SNX7: variants seen among roughly 807,000 people sequenced by gnomAD.
SNX7 encodes the protein sorting nexin 7.
SNX7 carries 35 observed loss-of-function variants against 48.4 expected under a neutral mutation model. The ratio of observed to expected loss-of-function variants is 0.72; its 90% confidence interval spans 0.55 to 0.96. The LOEUF (loss-of-function observed/expected upper bound fraction) is 0.96. Among genes scored for constraint, SNX7 ranks in the 40% least tolerant of loss-of-function variants. The pLI, the probability that SNX7 is intolerant of heterozygous loss-of-function variation, is 0.00. For synonymous variants in SNX7, 190 were observed against 190.2 expected (o/e 1.00, Z 0.01); for missense variants, 553 against 548.9 (o/e 1.01, Z -0.07).
At chr1:98,745,994 A>G (rs1654292283) in intron 8 of SNX7, among the ~76,000 whole-genome samples, 1 of 152,060 alleles carries the variant, frequency 6.6e-6, no homozygotes, top group Admixed American at 6.6e-5. Flanking sequence ...TTGAGCAATC[A>G]GTTCTTTTTT....
intron 8 of SNX7, among the ~76,000 whole-genome samples, chr1:98,741,513 G>A (rs1203865382): frequency 6.6e-6 from 1 of 152,026 alleles, no homozygotes; most frequent in African/African-American, 2.4e-5. Flanking sequence ...ACTTTTACTA[G>A]GTAAAATGAT....
chr1:98,683,160 G>C (rs1205707853), intron 1 of SNX7, among the ~76,000 whole-genome samples: 2 of 152,050 alleles, frequency 1.3e-5, no homozygotes, highest in East Asian at 3.9e-4. Flanking sequence ...TGTTCTATCT[G>C]CTTCCTCTAA....
chr1:98,691,216 A>G, intron 3 of SNX7, 31 bp downstream of exon 3: 1 of 1,407,490 alleles, frequency 7.1e-7, no homozygotes, highest in Middle Eastern at 1.8e-4. Flanking sequence ...TTTTCATAGA[A>G]TAGCTACCAG....
chr1:98,689,014 C>G (rs1401655870), intron 2 of SNX7, among the ~76,000 whole-genome samples: 1 of 152,086 alleles, frequency 6.6e-6, no homozygotes, highest in South Asian at 2.1e-4. Context: ...AAGTGATTCT[C>G]CTGCCTCAGC....
chr1:98,672,032 T>C (rs1649896338), intron 1 of SNX7, among the ~76,000 whole-genome samples: 1 of 152,052 alleles, frequency 6.6e-6, no homozygotes, highest in African/African-American at 2.4e-5. Context: ...TTAGAAAAAA[T>C]GAATCCCTAA....
At chr1:98,688,462 C>A (rs1159405275) in intron 2 of SNX7, among the ~76,000 whole-genome samples, 1 of 152,166 alleles carries the variant, frequency 6.6e-6, no homozygotes, top group Non-Finnish European at 1.5e-5. Context: ...AAGGTACTTT[C>A]CTTCCACTTC....
chr1:98,715,366 A>G (rs1002240764), intron 7 of SNX7, among the ~76,000 whole-genome samples: 8 of 152,114 alleles, frequency 5.3e-5, no homozygotes, highest in Non-Finnish European at 8.8e-5. Flanking sequence ...TTTAGGTAGT[A>G]TATGATGTTT....
At chr1:98,723,043 C>T (rs56242843) in intron 7 of SNX7, among the ~76,000 whole-genome samples, 40,144 of 152,016 alleles carry the variant, frequency 0.26, 5,632 homozygotes, top group Middle Eastern at 0.31. Flanking sequence ...GAATAGACCC[C>T]AGGCCCCTCA....
rs1372767399 is a variant in SNX7, at chr1:98,738,424, A to G, written c.1278+35A>G. 69 of 1,592,552 alleles carry G rather than the reference A, an allele frequency of 4.3e-5. 1 individual carries two copies. The Admixed American group carries it at 1.2e-3, about 27-fold the overall frequency. On this transcript the variant is annotated intron_variant, in intron 8 of 8. Coordinates refer to ENST00000306121, the MANE Select transcript of SNX7 (RefSeq NM_015976.5). ...GTTGTTTGATATTGCTTCATTTTAA[A>G]GTTATATGCTCATTTACTTTTGGTC... is the stretch of plus-strand genomic sequence containing the variant.
At chr1:98,708,984 G>A (rs1351233851) in intron 7 of SNX7, among the ~76,000 whole-genome samples, 1 of 152,122 alleles carries the variant, frequency 6.6e-6, no homozygotes, top group South Asian at 2.1e-4. Flanking sequence ...TTAATATAAG[G>A]TCTTAATCCC....
chr1:98,738,684 A>G (rs907560921), intron 8 of SNX7, among the ~76,000 whole-genome samples: 16 of 152,220 alleles, frequency 1.1e-4, no homozygotes, highest in Admixed American at 9.8e-4. Context: ...GGAAAGGAGC[A>G]GAGACTTGAA....
intron 8 of SNX7, among the ~76,000 whole-genome samples, chr1:98,749,320 T>TA (rs1015039506): frequency 3.5e-4 from 54 of 152,134 alleles, no homozygotes; most frequent in Non-Finnish European, 6.0e-4. Flanking sequence ...TACAGAATAA[T>TA]AAAAAAATGG....
At chr1:98,696,648 T>G (rs1419452298) in intron 5 of SNX7, among the ~76,000 whole-genome samples, 5 of 152,066 alleles carry the variant, frequency 3.3e-5, no homozygotes, top group Non-Finnish European at 5.9e-5. Context: ...CATTGACCCC[T>G]GATGAGATTA....
intron 7 of SNX7, among the ~76,000 whole-genome samples, chr1:98,728,376 A>G (rs1384434688): frequency 3.9e-5 from 6 of 152,208 alleles, no homozygotes; most frequent in Admixed American, 2.6e-4. Context: ...TGCAAGAGCT[A>G]CTGAAGGAAG....
intron 5 of SNX7, among the ~76,000 whole-genome samples, chr1:98,697,726 G>A (rs1375425693): frequency 6.6e-6 from 1 of 152,058 alleles, no homozygotes; most frequent in Non-Finnish European, 1.5e-5. Flanking sequence ...GAGCATTTGA[G>A]TTATAAGACA....
In SNX7 at chr1:98,691,713, A is replaced by G. The variant is rs1405324153; in HGVS notation, c.639+14A>G. The G allele has an allele frequency of 1.3e-6, 2 of 1,577,624 alleles. No homozygotes were observed. Among genetic ancestry groups the G allele is most frequent in the Non-Finnish European group, 1.7e-6 (2 of 1,160,546 alleles). On this transcript the variant is annotated intron_variant, in intron 4 of 8. Coordinates refer to ENST00000306121, the MANE Select transcript of SNX7 (RefSeq NM_015976.5). Reference sequence around the variant, plus strand: ...GCACAAGCTTGGGTAAATGATTTTTATTTATACTCATATAATCTTTGGGTG... The same window carrying G: ...GCACAAGCTTGGGTAAATGATTTTTGTTTATACTCATATAATCTTTGGGTG...
intron 1 of SNX7, among the ~76,000 whole-genome samples, chr1:98,678,907 A>G (rs9793966): frequency 0.88 from 133,623 of 152,134 alleles, 59,920 homozygotes; most frequent in Non-Finnish European, 0.96. Flanking sequence ...TATATACACT[A>G]ATATAGTTTG....
At chr1:98,749,784 A>G (rs1421168569) in intron 8 of SNX7, among the ~76,000 whole-genome samples, 2 of 152,126 alleles carry the variant, frequency 1.3e-5, no homozygotes, top group African/African-American at 4.8e-5. Flanking sequence ...ATAACCTAAT[A>G]ATTTTTATAG....
chr1:98,674,021 G>C (rs9324394), intron 1 of SNX7, among the ~76,000 whole-genome samples: 133,583 of 152,164 alleles, frequency 0.88, 59,877 homozygotes, highest in Non-Finnish European at 0.96. Context: ...AGGAAGCTAT[G>C]TGTTTTATTT....
Sources: gnomAD v4.1 joint callset for allele counts (sites outside exome capture counted in the v4.1 genomes callset) on GRCh38, gnomAD v4.1.1 for gene constraint, MANE v1.5 for transcripts, NCBI Gene and HGNC (gene_info 2026-07-23, HGNC 2026-07-21) for gene names.